SRBD1: variants seen among roughly 807,000 people sequenced by gnomAD.
The protein encoded by SRBD1 is S1 RNA-binding domain-containing protein 1.
In SRBD1, 88 loss-of-function variants were observed where a neutral mutation model predicts 115.3. The ratio of observed to expected loss-of-function variants is 0.76; its 90% CI spans 0.64 to 0.91. The LOEUF (loss-of-function observed/expected upper bound fraction) is 0.91. Ranked by LOEUF, SRBD1 falls within the 40% of genes least tolerant of loss-of-function variation. The pLI is 0.00. For synonymous variants in SRBD1, 509 were observed against 407.7 expected (o/e 1.25, Z -2.99); for missense variants, 1,385 against 1,177.4 (o/e 1.18, Z -2.58).
intron 16 of SRBD1, among the ~76,000 whole-genome samples, chr2:45,475,716 C>G (rs528186707): frequency 2.6e-5 from 4 of 152,236 alleles, no homozygotes; most frequent in African/African-American, 4.8e-5. Context: ...TTTTCTTTCT[C>G]GAGATGGAGT....
chr2:45,407,489 G>GT (rs924012796), intron 19 of SRBD1, among the ~76,000 whole-genome samples: 3 of 152,140 alleles, frequency 2.0e-5, no homozygotes, highest in East Asian at 1.9e-4. Flanking sequence ...ACCTGTGAAT[G>GT]TAAGTTTTAT....
At position 45,587,169 on chromosome 2, in the gene SRBD1, A is replaced by T. The variant is rs1016421232; in HGVS notation, c.649-1395T>A. On this transcript the variant is annotated intron_variant, in intron 4 of 20. Transcript: ENST00000263736. The stretch of plus-strand genomic sequence containing the variant: ...AATATTTAATTATTTTAAATTATAA[A>T]TATTAAAATATTTAAAAATTTTTAA... Among the ~76,000 whole-genome samples the T allele has an allele frequency of 3.0e-4, 43 of 144,180 alleles. 1 individual carries two copies. Among genetic ancestry groups the T allele is most frequent in the South Asian group, 8.4e-4 (4 of 4,738 alleles). 94.6% of individuals were successfully genotyped at this position (144,180 alleles called of 152,430 possible).
intron 16 of SRBD1, among the ~76,000 whole-genome samples, chr2:45,461,585 T>G (rs1037384388): frequency 2.0e-5 from 3 of 152,198 alleles, no homozygotes; most frequent in Non-Finnish European, 4.4e-5. Flanking sequence ...TGCATATGCT[T>G]CTGTGTGGTA....
At chr2:45,574,550 T>C (rs770954537) in intron 8 of SRBD1, 77 bp downstream of exon 8, 141 of 1,310,034 alleles carry the variant, frequency 1.1e-4, no homozygotes, top group Non-Finnish European at 1.4e-4. Flanking sequence ...TTAATGAACA[T>C]TGGTATTAGC....
intron 16 of SRBD1, among the ~76,000 whole-genome samples, chr2:45,469,811 AGGC>A (rs954327770): frequency 1.2e-4 from 19 of 152,184 alleles, no homozygotes; most frequent in African/African-American, 4.6e-4. Context: ...CTGAATTGCA[AGGC>A]TAAGTCTGAA....
chr2:45,585,182 A>G (rs1171911898), intron 5 of SRBD1, among the ~76,000 whole-genome samples: 1 of 152,102 alleles, frequency 6.6e-6, no homozygotes, highest in East Asian at 1.9e-4. Context: ...AAGGAAATAT[A>G]CATATTTCCT....
At chr2:45,587,188 T>G (rs7609444) in intron 4 of SRBD1, among the ~76,000 whole-genome samples, 1 of 134,790 alleles carries the variant, frequency 7.4e-6, no homozygotes, top group African/African-American at 3.1e-5. Context: ...TATTTAAAAA[T>G]TTTTAAATAT....
At chr2:45,546,632 G>C (rs1558469005) in intron 14 of SRBD1, 100 bp downstream of exon 14, 5 of 1,173,766 alleles carry the variant, frequency 4.3e-6, no homozygotes, top group Non-Finnish European at 3.8e-6. Flanking sequence ...GGAGGGCAAA[G>C]AAGATGTACA....
chr2:45,575,888 G>A (rs749638268), intron 7 of SRBD1, among the ~76,000 whole-genome samples: 2 of 152,150 alleles, frequency 1.3e-5, no homozygotes, highest in Non-Finnish European at 2.9e-5. Flanking sequence ...ATTTTTAGTA[G>A]TGACGGGCTT....
chr2:45,441,383 T>C (rs1196017206), intron 16 of SRBD1, among the ~76,000 whole-genome samples: 1 of 152,200 alleles, frequency 6.6e-6, no homozygotes, highest in African/African-American at 2.4e-5. Flanking sequence ...TCCATAGTAT[T>C]TATTATCACC....
chr2:45,596,685 G>A (rs1673904894), intron 4 of SRBD1, among the ~76,000 whole-genome samples: 1 of 152,044 alleles, frequency 6.6e-6, no homozygotes, highest in Non-Finnish European at 1.5e-5. Flanking sequence ...AAAGTGCCTA[G>A]TACAGAGCCG....
rs1194919817 is a variant in SRBD1 at position 45,601,883 on chromosome 2, TA to T, written c.261+19del. On this transcript the variant is annotated intron_variant, in intron 3 of 20. Coordinates refer to ENST00000263736, the MANE Select transcript of SRBD1 (RefSeq NM_018079.5). ...CAGGAAGACACTACAGAGTTCCCTCTATCCAGCTGTAGCACCTACCAGCTCC... is the reference window on the plus strand; with the variant it reads ...CAGGAAGACACTACAGAGTTCCCTCTTCCAGCTGTAGCACCTACCAGCTCC... 2.8e-5 allele frequency: 45 copies of T among 1,612,914 alleles called. No homozygotes were observed. Among genetic ancestry groups the T allele is most frequent in the Non-Finnish European group, 3.8e-5 (45 of 1,179,356 alleles).
chr2:45,450,952 A>C (rs1263847123), intron 16 of SRBD1, among the ~76,000 whole-genome samples: 1 of 152,176 alleles, frequency 6.6e-6, no homozygotes, highest in Non-Finnish European at 1.5e-5. Context: ...GCAGGTTTGA[A>C]AAACATTTTT....
chr2:45,582,622 A>G (rs913478998), intron 5 of SRBD1, among the ~76,000 whole-genome samples: 2 of 152,128 alleles, frequency 1.3e-5, no homozygotes, highest in African/African-American at 4.8e-5. Context: ...ATCCATTGCT[A>G]TCATTTATCT....
intron 14 of SRBD1, among the ~76,000 whole-genome samples, chr2:45,502,288 A>C (rs567797192): frequency 2.0e-5 from 3 of 152,328 alleles, no homozygotes; most frequent in Non-Finnish European, 4.4e-5. Context: ...AGGATCTAGA[A>C]GTAGAAACAC....
chr2:45,532,397 G>A (rs1005867763), intron 14 of SRBD1, among the ~76,000 whole-genome samples: 3 of 151,732 alleles, frequency 2.0e-5, no homozygotes, highest in Non-Finnish European at 4.4e-5. Context: ...TAAAGAAGAC[G>A]GAGCTGAAGT....
At position 45,513,960 on chromosome 2, in the gene SRBD1, T is replaced by C. The variant is rs71422159; in HGVS notation, c.1875-25629A>G. Among the ~76,000 whole-genome samples, 624 of 152,206 alleles carry C rather than the reference T, an allele frequency of 4.1e-3. 1 individual carries two copies. Among genetic ancestry groups the C allele is most frequent in the Non-Finnish European group, 6.7e-3 (452 of 67,968 alleles). ...GCATGGTGTGCTAGGACTTTGAGAT[T>C]TAGAATCAGATGATTTGGACTTAAG... On this transcript the variant is annotated intron_variant, in intron 14 of 20. Coordinates refer to ENST00000263736, the MANE Select transcript of SRBD1 (RefSeq NM_018079.5).
rs139738209 is a variant in SRBD1 at position 45,457,424 on chromosome 2, A to G, written c.2049+19569T>C. Among the ~76,000 whole-genome samples, 9 of 152,114 alleles carry G rather than the reference A, an allele frequency of 5.9e-5. No homozygotes were observed. In the East Asian group the frequency reaches 1.4e-3, roughly 23 times the overall value. On this transcript the variant is annotated intron_variant, in intron 16 of 20. Transcript: ENST00000263736. Reference sequence around the variant, plus strand: ...CTACTAGGACAACAGATTTTGGCCAACAGAGCCCTAAGAATACATGCACAG... The same window carrying G: ...CTACTAGGACAACAGATTTTGGCCAGCAGAGCCCTAAGAATACATGCACAG...
chr2:45,418,230 A>T, intron 18 of SRBD1, 135 bp downstream of exon 18: 1 of 973,464 alleles, frequency 1.0e-6, no homozygotes, highest in Non-Finnish European at 1.5e-6. Flanking sequence ...ACCAAAGGAC[A>T]GTCACTCAAC....
Sources: allele counts gnomAD v4.1 joint callset (sites outside exome capture counted in the v4.1 genomes callset), GRCh38; gene constraint gnomAD v4.1.1; transcripts MANE v1.5; gene names NCBI Gene and HGNC (gene_info 2026-07-23, HGNC 2026-07-21).